Variants in C1orf141 observed in about 807,000 individuals in gnomAD.
The protein encoded by C1orf141 is uncharacterized protein C1orf141.
C1orf141 carries 19 observed loss-of-function variants against 23.2 expected under a neutral mutation model. The observed-to-expected ratio is 0.82, with a 90% CI of 0.57 to 1.20. The LOEUF is 1.20. Ranked by LOEUF, C1orf141 falls within the 50% of genes most tolerant of loss-of-function variation. The pLI, the probability that C1orf141 is intolerant of heterozygous loss-of-function variation, is 0.00. For missense variants in C1orf141, 469 were observed against 455.1 expected, an observed-to-expected ratio of 1.03 and a Z score of -0.28; for synonymous variants, 153 against 154.6, an observed-to-expected ratio of 0.99 and a Z score of 0.08.
rs541850077 is a variant in C1orf141, at chr1:67,108,144, C to A, written c.346+7208G>T. On this transcript the variant is annotated intron_variant, in intron 5 of 7. Coordinates refer to ENST00000684719, the MANE Select transcript of C1orf141 (RefSeq NM_001276351.2). ...AAATGTACCAATGTCTTATTTTATT[C>A]AAGCTGCTATAATAAAATCCCTTAA... Among the ~76,000 whole-genome samples, 3 of 152,230 alleles carry A rather than the reference C, an allele frequency of 2.0e-5. No homozygotes were observed. The East Asian group carries it at 5.8e-4, about 29-fold the overall frequency.
chr1:67,136,462 C>A (rs1570745019), upstream of C1orf141, among the ~76,000 whole-genome samples: 2 of 152,126 alleles, frequency 1.3e-5, no homozygotes, highest in Admixed American at 6.6e-5. Context: ...TGTTGTAATA[C>A]CTTCAGCTCA....
intron 7 of C1orf141, 57 bp from the exon 8 acceptor site, chr1:67,093,661 A>T: frequency 1.5e-6 from 2 of 1,347,344 alleles, no homozygotes; most frequent in Non-Finnish European, 2.0e-6. Flanking sequence ...AGAAAGCTCC[A>T]TATATTTTAA....
In C1orf141 at chr1:67,092,926, T is replaced by C; in HGVS notation, c.*79A>G. On this transcript the variant is annotated 3_prime_UTR_variant, in exon 8 of 8. Coordinates refer to ENST00000684719, the MANE Select transcript of C1orf141 (RefSeq NM_001276351.2). ...TATGATCAATTAGAACATTACTATT[T>C]GGATAAGAATTTCTTTTATAATTTT... 8.9e-7 allele frequency: 1 copy of C among 1,120,930 alleles called. No individual in the cohort carries two copies. Among genetic ancestry groups the C allele is most frequent in the South Asian group, 1.6e-5 (1 of 62,654 alleles). 69.4% of individuals were successfully genotyped at this position (1,120,930 alleles called of 1,614,324 possible). A position where few individuals can be genotyped will look rare whatever the true frequency, so the allele number is the denominator to read the frequency against.
Position 67,125,984 on chromosome 1 carries a change from G to GA in C1orf141, c.76-76dup, listed in dbSNP as rs558254980. 1,195 of 1,388,336 alleles carry GA rather than the reference G, an allele frequency of 8.6e-4. 12 individuals carry two copies. In the East Asian group the frequency reaches 0.011, roughly 13 times the overall value. The allele number at this position is 1,388,336 out of a possible 1,614,324, so 86.0% of individuals were successfully genotyped here. On this transcript the variant is annotated intron_variant, in intron 3 of 7. Coordinates refer to ENST00000684719, the MANE Select transcript of C1orf141 (RefSeq NM_001276351.2). ...ATATGGGGAAAATCTTAGGTGGAAAGAAAAAAAATCTCACTTTACACACAC... is the reference window on the plus strand; with the variant it reads ...ATATGGGGAAAATCTTAGGTGGAAAGAAAAAAAAATCTCACTTTACACACAC...
intron 5 of C1orf141, among the ~76,000 whole-genome samples, chr1:67,107,546 G>T (rs942530159): frequency 6.6e-6 from 1 of 152,200 alleles, no homozygotes; most frequent in Non-Finnish European, 1.5e-5. Flanking sequence ...TATATGCTAT[G>T]TAAACGGGAT....
intron 1 of C1orf141, among the ~76,000 whole-genome samples, chr1:67,133,787 G>T (rs1330608430): frequency 6.6e-6 from 1 of 152,096 alleles, no homozygotes; most frequent in Admixed American, 6.6e-5. Flanking sequence ...GCCAAGGAGC[G>T]AGGCCTCTGA....
chr1:67,126,020 A>AC, intron 3 of C1orf141, 111 bp from the exon 4 acceptor site: 20 of 1,174,532 alleles, frequency 1.7e-5, no homozygotes, highest in Non-Finnish European at 2.2e-5. Flanking sequence ...ACACACACAG[A>AC]ATTTAGGTGG....
At chr1:67,136,432 A>G (rs940829090), upstream of C1orf141, among the ~76,000 whole-genome samples, 4 of 152,184 alleles carry the variant, frequency 2.6e-5, no homozygotes, top group Non-Finnish European at 4.4e-5. Flanking sequence ...TCTAGTTGAT[A>G]GTGGTGATTT....
At chr1:67,096,441 G>A (rs1645683490) in intron 5 of C1orf141, 120 bp from the exon 6 acceptor site, 13 of 565,156 alleles carry the variant, frequency 2.3e-5, no homozygotes, top group Non-Finnish European at 3.8e-5. Flanking sequence ...TATAGTGCCT[G>A]GTCTGTAGTA....
At chr1:67,093,744 T>C in intron 7 of C1orf141, 140 bp from the exon 8 acceptor site, 1 of 560,394 alleles carries the variant, frequency 1.8e-6, no homozygotes, top group Middle Eastern at 4.8e-4. Flanking sequence ...AGTAGCATTA[T>C]TCAAATACAT....
intron 5 of C1orf141, among the ~76,000 whole-genome samples, chr1:67,105,422 T>C (rs1645903102): frequency 6.6e-6 from 1 of 151,972 alleles, no homozygotes; most frequent in African/African-American, 2.4e-5. Flanking sequence ...TGGTAATATA[T>C]TAGTCTATGA....
At chr1:67,098,963 A>G (rs1645744234) in intron 5 of C1orf141, among the ~76,000 whole-genome samples, 3 of 152,222 alleles carry the variant, frequency 2.0e-5, no homozygotes, top group South Asian at 2.1e-4. Context: ...AAAGATAAAT[A>G]AAAACCTGAA....
At chr1:67,107,751 G>A (rs979252592) in intron 5 of C1orf141, among the ~76,000 whole-genome samples, 3 of 152,122 alleles carry the variant, frequency 2.0e-5, no homozygotes, top group Non-Finnish European at 2.9e-5. Flanking sequence ...TTAGCCGGGC[G>A]TGGTGGCGCA....
At chr1:67,123,483 T>C (rs1007732709) in intron 4 of C1orf141, 2 of 152,154 alleles carry the variant, frequency 1.3e-5, no homozygotes, top group South Asian at 4.1e-4. Context: ...TCCATTTTAT[T>C]ATATAAAATT....
At chr1:67,138,993 T>C (rs557497783), upstream of C1orf141, 15 of 152,266 alleles carry the variant, frequency 9.9e-5, no homozygotes, top group Non-Finnish European at 2.1e-4. Context: ...GTCTGCCTGT[T>C]ATGACAATTT....
chr1:67,110,725 G>A (rs1179658434), intron 5 of C1orf141, among the ~76,000 whole-genome samples: 1 of 151,652 alleles, frequency 6.6e-6, no homozygotes, highest in Non-Finnish European at 1.5e-5. Flanking sequence ...GTGACGTTAT[G>A]TTGTAATACA....
intron 4 of C1orf141, chr1:67,122,632 G>A (rs1214500962): frequency 6.6e-6 from 1 of 152,082 alleles, no homozygotes; most frequent in Non-Finnish European, 1.5e-5. Flanking sequence ...TACAGTTATT[G>A]ATCTATTTAT....
chr1:67,111,645 C>G, intron 5 of C1orf141: 1 of 1,350,800 alleles, frequency 7.4e-7, no homozygotes, highest in Non-Finnish European at 9.9e-7. Flanking sequence ...TCTACTGGCT[C>G]TAAAGAAACA....
At chr1:67,111,963 A>AAAAGAG (rs1646082208) in intron 5 of C1orf141, among the ~76,000 whole-genome samples, 1 of 152,234 alleles carries the variant, frequency 6.6e-6, no homozygotes, top group East Asian at 1.9e-4. Flanking sequence ...AATTCCTTTG[A>AAAAGAG]AAAGAGAAAT....
Sources: allele counts gnomAD v4.1 joint callset (sites outside exome capture counted in the v4.1 genomes callset), GRCh38; gene constraint gnomAD v4.1.1; transcripts MANE v1.5; gene names NCBI Gene and HGNC (gene_info 2026-07-23, HGNC 2026-07-21).